The following RBMS3 variants were observed in gnomAD, a reference collection of about 807,000 sequenced individuals.
RBMS3 encodes the protein RNA binding motif single stranded interacting protein 3.
A neutral mutation model predicts 66.8 loss-of-function variants in RBMS3; 27 were observed. The observed-to-expected ratio is 0.40, with a 90% CI of 0.30 to 0.56. The LOEUF is 0.56. Among genes scored for constraint, RBMS3 ranks in the 20% least tolerant of loss-of-function variants. The pLI is 0.40. For synonymous variants in RBMS3, 188 were observed against 183.0 expected (o/e 1.03, Z -0.22); for missense variants, 513 against 549.5 (o/e 0.93, Z 0.66).
intron 4 of RBMS3, among the ~76,000 whole-genome samples, chr3:29,598,069 A>G (rs2048018392): frequency 6.6e-6 from 1 of 152,174 alleles, no homozygotes; most frequent in Admixed American, 6.6e-5. Flanking sequence ...CTCCATGAGA[A>G]GAATGACATA....
intron 4 of RBMS3, among the ~76,000 whole-genome samples, chr3:29,600,941 T>C (rs1376660392): frequency 6.6e-6 from 1 of 151,970 alleles, no homozygotes; most frequent in Non-Finnish European, 1.5e-5. Flanking sequence ...AGATAATAAA[T>C]GTGATCTATA....
At chr3:29,352,282 A>C (rs972794865) in intron 1 of RBMS3, among the ~76,000 whole-genome samples, 2 of 151,988 alleles carry the variant, frequency 1.3e-5, no homozygotes, top group African/African-American at 2.4e-5. Flanking sequence ...CCTACATTTT[A>C]CTTATAAGTT....
At position 29,541,449 on chromosome 3, in the gene RBMS3, C is replaced by G. The variant is rs976036017; in HGVS notation, c.308-45665C>G. On this transcript the variant is annotated intron_variant, in intron 3 of 14. Coordinates refer to ENST00000383767, the MANE Select transcript of RBMS3 (RefSeq NM_001003793.3). Reference sequence around the variant, plus strand: ...TCTTTCATTCTTTTTTTCATTGATGCCCTTCCCACCACAGTATAGCAAACA... The same window carrying G: ...TCTTTCATTCTTTTTTTCATTGATGGCCTTCCCACCACAGTATAGCAAACA... Among the ~76,000 whole-genome samples the G allele has an allele frequency of 4.0e-5, 6 of 151,632 alleles. No homozygotes were observed. The South Asian group carries it at 1.2e-3, about 32-fold the overall frequency.
At chr3:29,461,997 C>T (rs1262214939) in intron 2 of RBMS3, among the ~76,000 whole-genome samples, 7 of 135,832 alleles carry the variant, frequency 5.2e-5, no homozygotes, top group Non-Finnish European at 9.1e-5. Flanking sequence ...AGGATGGTCT[C>T]GATCTCCTGA....
At chr3:29,859,884 GCACA>G (rs149338596) in intron 6 of RBMS3, among the ~76,000 whole-genome samples, 2 of 150,920 alleles carry the variant, frequency 1.3e-5, no homozygotes, top group African/African-American at 4.9e-5. Context: ...ATGCATGGGG[GCACA>G]CACACACACA....
chr3:29,922,856 G>A (rs1420993784), intron 10 of RBMS3, among the ~76,000 whole-genome samples: 1 of 152,156 alleles, frequency 6.6e-6, no homozygotes, highest in Non-Finnish European at 1.5e-5. Context: ...TATAGTTATA[G>A]TCTTTTCACA....
At chr3:29,666,848 G>T (rs1244951175) in intron 4 of RBMS3, among the ~76,000 whole-genome samples, 1 of 152,074 alleles carries the variant, frequency 6.6e-6, no homozygotes, top group Admixed American at 6.6e-5. Context: ...GCTTATCACA[G>T]TTGTTAATGA....
chr3:29,619,569 T>C (rs1461700775), intron 4 of RBMS3, among the ~76,000 whole-genome samples: 4 of 152,142 alleles, frequency 2.6e-5, no homozygotes, highest in Admixed American at 2.6e-4. Context: ...AGCAATATGC[T>C]CTCTGCTGAA....
chr3:29,850,288 G>T, intron 6 of RBMS3, among the ~76,000 whole-genome samples: 1 of 152,138 alleles, frequency 6.6e-6, no homozygotes, highest in East Asian at 1.9e-4. Context: ...ACTTTTTAAT[G>T]CTTCTTAATT....
intron 6 of RBMS3, among the ~76,000 whole-genome samples, chr3:29,803,710 A>T (rs1398887639): frequency 1.3e-5 from 2 of 152,190 alleles, no homozygotes; most frequent in East Asian, 3.9e-4. Flanking sequence ...GTGTGATGAA[A>T]TATATAGACA....
intron 4 of RBMS3, among the ~76,000 whole-genome samples, chr3:29,703,526 G>T (rs2052728990): frequency 6.6e-6 from 1 of 152,204 alleles, no homozygotes; most frequent in Non-Finnish European, 1.5e-5. Context: ...GTTCACATGT[G>T]CTAACATATC....
rs143927292 is a variant in RBMS3 at position 29,769,718 on chromosome 3, A to C, written c.637+6729A>C. On this transcript the variant is annotated intron_variant, in intron 6 of 14. Coordinates refer to ENST00000383767, the MANE Select transcript of RBMS3 (RefSeq NM_001003793.3). Reference sequence around the variant, plus strand: ...GCTTAGCTCTGTACATTCTCACTAAATACTCTTTGGAGTTGTATAGTTTCA... The same window carrying C: ...GCTTAGCTCTGTACATTCTCACTAACTACTCTTTGGAGTTGTATAGTTTCA... 4.9e-3 allele frequency among the ~76,000 whole-genome samples: 740 copies of C among 151,950 alleles called. 10 individuals carry two copies. The highest frequency in any genetic ancestry group is 0.017 in the African/African-American group (710 of 41,492).
chr3:29,924,583 A>C (rs2149664145), intron 10 of RBMS3, among the ~76,000 whole-genome samples: 1 of 110,704 alleles, frequency 9.0e-6, no homozygotes. Flanking sequence ...CACGCCTGTA[A>C]TCCCAGCACT....
At chr3:29,989,998 AATTAT>A (rs1282025827) in intron 13 of RBMS3, among the ~76,000 whole-genome samples, 9 of 152,158 alleles carry the variant, frequency 5.9e-5, no homozygotes, top group Admixed American at 2.0e-4. Context: ...GAAACAGTCT[AATTAT>A]ATTTAGGGAT....
At chr3:29,969,108 T>C (rs1309293975) in intron 12 of RBMS3, among the ~76,000 whole-genome samples, 1 of 152,206 alleles carries the variant, frequency 6.6e-6, no homozygotes, top group Non-Finnish European at 1.5e-5. Context: ...ACATTTTAAA[T>C]GGATAGTCAA....
chr3:29,300,445 T>C (rs1285463387), intron 1 of RBMS3, among the ~76,000 whole-genome samples: 1 of 152,000 alleles, frequency 6.6e-6, no homozygotes, highest in Non-Finnish European at 1.5e-5. Context: ...GAATGACGTT[T>C]TATCTTTACA....
intron 2 of RBMS3, among the ~76,000 whole-genome samples, chr3:29,444,511 A>G (rs1013802345): frequency 6.6e-6 from 1 of 152,114 alleles, no homozygotes; most frequent in Non-Finnish European, 1.5e-5. Context: ...TAAAGGAACA[A>G]TCAGTATGGT....
rs113456950 is a variant in RBMS3, at chr3:29,905,115, T to C, written c.939+5360T>C. ...TAAATATTTTCTGTTTTGTGAGCTA[T>C]ATGGTCTGTGTCACACCTACTCAAT... is the stretch of plus-strand genomic sequence containing the variant. On this transcript the variant is annotated intron_variant, in intron 10 of 14. Coordinates refer to ENST00000383767, the MANE Select transcript of RBMS3 (RefSeq NM_001003793.3). Among the ~76,000 whole-genome samples the C allele has an allele frequency of 3.1e-4, 47 of 151,996 alleles. 2 individuals carry two copies. Among genetic ancestry groups the C allele is most frequent in the African/African-American group, 1.1e-3 (45 of 41,388 alleles).
At chr3:29,529,225 A>G (rs548946841) in intron 3 of RBMS3, among the ~76,000 whole-genome samples, 9 of 152,314 alleles carry the variant, frequency 5.9e-5, no homozygotes, top group Non-Finnish European at 8.8e-5. Flanking sequence ...AGACAAGGGG[A>G]TAAGCACTTT....
Sources: allele counts gnomAD v4.1 joint callset (sites outside exome capture counted in the v4.1 genomes callset), GRCh38; gene constraint gnomAD v4.1.1; transcripts MANE v1.5; gene names NCBI Gene and HGNC (gene_info 2026-07-23, HGNC 2026-07-21).